MED21: variants seen among roughly 807,000 people sequenced by gnomAD.
The protein encoded by MED21 is mediator of RNA polymerase II transcription subunit 21.
In MED21, 9 loss-of-function variants were observed where a neutral mutation model predicts 18.2. The observed-to-expected ratio is 0.49, with a 90% confidence interval of 0.30 to 0.86. The LOEUF is 0.86. Among genes scored for constraint, MED21 ranks in the 40% least tolerant of loss-of-function variants. The probability of loss-of-function intolerance (pLI) is 0.07; values close to 1 mark genes in which losing one functional copy is unlikely to be tolerated. For synonymous variants in MED21, 73 were observed against 60.5 expected, an observed-to-expected ratio of 1.21 and a Z score of -0.96; for missense variants, 150 against 170.9, an observed-to-expected ratio of 0.88 and a Z score of 0.68.
intron 1 of MED21, chr12:27,022,899 G>C: frequency 7.3e-7 from 1 of 1,373,302 alleles, no homozygotes; most frequent in East Asian, 3.3e-5. Flanking sequence ...TGTGGGCTGC[G>C]CGGTCCTGTC....
At chr12:27,022,726 GAGAC>G (rs763384020) in intron 1 of MED21, 105 bp downstream of exon 1, 2 of 1,596,824 alleles carry the variant, frequency 1.3e-6, no homozygotes, top group South Asian at 1.1e-5. Flanking sequence ...AGCGGACTGA[GAGAC>G]AGGGCTTCGG....
At chr12:27,025,662 A>G (rs74814602) in intron 1 of MED21, among the ~76,000 whole-genome samples, 3,019 of 152,314 alleles carry the variant, frequency 0.02, 101 homozygotes, top group African/African-American at 0.068. Context: ...TAAATATTAA[A>G]AAGAGGAAAC....
At position 27,030,207 on chromosome 12, in the gene MED21, A is replaced by C; in HGVS notation, c.*1746A>C. The C allele has an allele frequency of 1.5e-6, 1 of 645,240 alleles. No individual in the cohort carries two copies. Among genetic ancestry groups the C allele is most frequent in the Non-Finnish European group, 2.9e-6 (1 of 350,430 alleles). The allele number at this position is 645,240 out of a possible 1,614,324, so 40.0% of individuals were successfully genotyped here. A position where few individuals can be genotyped will look rare whatever the true frequency, so the allele number is the denominator to read the frequency against. Reference sequence around the variant, plus strand: ...AAGTGCAGTTCTGTGATCATGGCTCACTGCAGCTTCACCCTGGGTTCAGGT... The same window carrying C: ...AAGTGCAGTTCTGTGATCATGGCTCCCTGCAGCTTCACCCTGGGTTCAGGT... On this transcript the variant is annotated 3_prime_UTR_variant, in exon 4 of 4. Coordinates refer to ENST00000282892, the MANE Select transcript of MED21 (RefSeq NM_004264.5).
Position 27,030,225 on chromosome 12 carries a change from G to A in MED21, c.*1764G>A. On this transcript the variant is annotated 3_prime_UTR_variant, in exon 4 of 4. Transcript: ENST00000282892. ...ATGGCTCACTGCAGCTTCACCCTGGGTTCAGGTGATCCTCCCACTTCAGCC... is the reference window on the plus strand; with the variant it reads ...ATGGCTCACTGCAGCTTCACCCTGGATTCAGGTGATCCTCCCACTTCAGCC... 1 of 635,406 alleles carries A rather than the reference G, an allele frequency of 1.6e-6. No homozygotes were observed. Among genetic ancestry groups the A allele is most frequent in the South Asian group, 1.7e-5 (1 of 57,978 alleles). The allele number at this position is 635,406 out of a possible 1,614,324, so 39.4% of individuals were successfully genotyped here.
intron 3 of MED21, 49 bp from the exon 4 acceptor site, chr12:27,028,236 A>T (rs754867363): frequency 1.3e-6 from 2 of 1,503,930 alleles, no homozygotes; most frequent in Non-Finnish European, 1.8e-6. Context: ...CATCTGTGAC[A>T]GCTTCTCTTT....
At position 27,027,349 on chromosome 12, in the gene MED21, T is replaced by C; in HGVS notation, c.160T>C (p.Tyr54His). The C allele has an allele frequency of 1.2e-6, 2 of 1,610,852 alleles. No homozygotes were observed. The highest frequency in any genetic ancestry group is 1.7e-5 in the Admixed American group (1 of 59,708). Residue 54 changes from tyrosine to histidine, a missense_variant and splice_region_variant, in exon 3 of 4, where the codon TAT becomes CAT. By Grantham distance (83) the Tyr-to-His change is moderately conservative. Transcript: ENST00000282892. ...KDQPANPTEEYAQLFAALIAR... is the reference protein window; with the variant it reads ...KDQPANPTEEHAQLFAALIAR... ...AATCTAGCAGTATCTTTCTCTAGAG[T>C]ATGCCCAGCTTTTTGCAGCACTGAT...
downstream of MED21, among the ~76,000 whole-genome samples, chr12:27,031,368 A>G (rs917563403): frequency 1.3e-5 from 2 of 152,190 alleles, no homozygotes; most frequent in African/African-American, 4.8e-5. Flanking sequence ...GATGTGAGTG[A>G]GTAAGTTATG....
Position 27,029,288 on chromosome 12 carries a change from T to C in MED21, c.*827T>C. 2 of 985,402 alleles carry C rather than the reference T, an allele frequency of 2.0e-6. 1 individual carries two copies. Among genetic ancestry groups the C allele is most frequent in the South Asian group, 9.4e-5 (2 of 21,286 alleles). 61.0% of individuals were successfully genotyped at this position (985,402 alleles called of 1,614,324 possible). On this transcript the variant is annotated 3_prime_UTR_variant, in exon 4 of 4. Transcript: ENST00000282892. ...GCTGTATTCTAGTCAGACCAGAACA[T>C]ACTTCCACTACATCAGTTACTTGGC...
rs112440923 is a variant in MED21 at position 27,026,291 on chromosome 12, C to A, written c.43-129C>A. On this transcript the variant is annotated intron_variant, in intron 1 of 3. Coordinates refer to ENST00000282892, the MANE Select transcript of MED21 (RefSeq NM_004264.5). ...ATAACTGGCTTATTTTATCAACAAT[C>A]ACTCCTTTCTGTTTTATTCCCTTGC... 4.8e-4 allele frequency: 261 copies of A among 549,162 alleles called. 1 individual carries two copies. The African/African-American group carries it at 4.8e-3, about 10-fold the overall frequency. The allele number at this position is 549,162 out of a possible 1,614,324, so 34.0% of individuals were successfully genotyped here.
chr12:27,033,686 G>T (rs1307234910), downstream of MED21, among the ~76,000 whole-genome samples: 4 of 152,140 alleles, frequency 2.6e-5, no homozygotes, highest in Non-Finnish European at 4.4e-5. Context: ...AGATCACCTT[G>T]TGTGCAATTC....
intron 1 of MED21, among the ~76,000 whole-genome samples, chr12:27,023,300 C>CTTTTTTTTTTTTTTTTTTTTTTTTTT (rs71437317): frequency 1.8e-5 from 2 of 110,438 alleles, no homozygotes; most frequent in African/African-American, 7.2e-5. Context: ...TTTTTCTTTT[C>CTTTTTTTTTTTTTTTTTTTTTTTTTT]TTTTTTTTTT....
intron 2 of MED21, among the ~76,000 whole-genome samples, chr12:27,035,901 G>A (rs536435301): frequency 2.0e-5 from 3 of 152,046 alleles, no homozygotes; most frequent in East Asian, 1.9e-4. Flanking sequence ...ATAGACATAC[G>A]TGTGCATGTG....
intron 2 of MED21, chr12:27,038,536 T>C (rs1049026557): frequency 2.0e-5 from 3 of 152,180 alleles, no homozygotes; most frequent in African/African-American, 7.2e-5. Flanking sequence ...CTGTGGAACT[T>C]GATGAGTTAG....
At chr12:27,031,044 A>G (rs1269570309), downstream of MED21, among the ~76,000 whole-genome samples, 1 of 152,122 alleles carries the variant, frequency 6.6e-6, no homozygotes, top group African/African-American at 2.4e-5. Flanking sequence ...AATAGCTGGG[A>G]TTACAGGCAG....
chr12:27,029,061 C>T lies in MED21; in HGVS notation c.*600C>T, dbSNP rs1385894273. Reference sequence around the variant, plus strand: ...TCCACGTTTATTTTACCAAGAGATCCTCTGTCAAGAGAATTTCCTGGCTGT... The same window carrying T: ...TCCACGTTTATTTTACCAAGAGATCTTCTGTCAAGAGAATTTCCTGGCTGT... On this transcript the variant is annotated 3_prime_UTR_variant, in exon 4 of 4. Transcript: ENST00000282892. The T allele has an allele frequency of 1.0e-6, 1 of 985,286 alleles. No individual in the cohort carries two copies. The highest frequency in any genetic ancestry group is 1.2e-6 in the Non-Finnish European group (1 of 829,926). 61.0% of individuals were successfully genotyped at this position (985,286 alleles called of 1,614,324 possible). A position where few individuals can be genotyped will look rare whatever the true frequency, so the allele number is the denominator to read the frequency against.
intron 1 of MED21, among the ~76,000 whole-genome samples, chr12:27,023,077 C>T (rs1941493866): frequency 6.6e-6 from 1 of 152,046 alleles, no homozygotes; most frequent in South Asian, 2.1e-4. Context: ...AAATGTCAGC[C>T]GAGAGTATTC....
At chr12:27,035,818 T>A (rs552124522) in intron 2 of MED21, among the ~76,000 whole-genome samples, 1 of 151,928 alleles carries the variant, frequency 6.6e-6, no homozygotes, top group East Asian at 1.9e-4. Context: ...TGTGCCACAT[T>A]TTCTTAATCC....
downstream of MED21, among the ~76,000 whole-genome samples, chr12:27,031,245 C>T (rs2136493183): frequency 1.3e-5 from 2 of 152,342 alleles, no homozygotes; most frequent in South Asian, 4.1e-4. Flanking sequence ...TACTATCATT[C>T]CTGACCTGTG....
rs994867130 is a variant in MED21 at position 27,029,026 on chromosome 12, C to G, written c.*565C>G. On this transcript the variant is annotated 3_prime_UTR_variant, in exon 4 of 4. Coordinates refer to ENST00000282892, the MANE Select transcript of MED21 (RefSeq NM_004264.5). ...CTTCTGCTAGAACCTCATACCTGTT[C>G]TAGTTCATCTCCACGTTTATTTTAC... 2 of 985,256 alleles carry G rather than the reference C, an allele frequency of 2.0e-6. No homozygotes were observed. The highest frequency in any genetic ancestry group is 1.1e-4 in the East Asian group (1 of 8,826). 61.0% of individuals were successfully genotyped at this position (985,256 alleles called of 1,614,324 possible). A position where few individuals can be genotyped will look rare whatever the true frequency, so the allele number is the denominator to read the frequency against.
Sources: allele counts gnomAD v4.1 joint callset (sites outside exome capture counted in the v4.1 genomes callset), GRCh38; gene constraint gnomAD v4.1.1; transcripts MANE v1.5; gene names NCBI Gene and HGNC (gene_info 2026-07-23, HGNC 2026-07-21).